KLHL31: variants seen among roughly 807,000 people sequenced by gnomAD.
KLHL31 encodes the protein kelch like family member 31.
Under a neutral mutation model 47.1 loss-of-function variants are expected in KLHL31, and 32 were observed. That is an observed-to-expected ratio of 0.68 (90% CI 0.51 to 0.91). The LOEUF is 0.91. Ranked by LOEUF, KLHL31 falls within the 40% of genes least tolerant of loss-of-function variation. The probability of loss-of-function intolerance (pLI) is 0.00; values close to 1 mark genes in which losing one functional copy is unlikely to be tolerated. For synonymous variants in KLHL31, 330 were observed against 325.1 expected (o/e 1.01, Z -0.16); for missense variants, 797 against 819.3 (o/e 0.97, Z 0.33).
At chr6:53,660,863 C>T (rs1333073462) in intron 1 of KLHL31, among the ~76,000 whole-genome samples, 1 of 152,186 alleles carries the variant, frequency 6.6e-6, no homozygotes, top group Non-Finnish European at 1.5e-5. Context: ...AAACAACTTT[C>T]TTGTGGCCGA....
At position 53,664,518 on chromosome 6, in the gene KLHL31, C is replaced by T. The variant is rs901439730; in HGVS notation, c.-34+1083G>A. On this transcript the variant is annotated intron_variant, in intron 1 of 2. Coordinates refer to ENST00000370905, the MANE Select transcript of KLHL31 (RefSeq NM_001003760.5). ...CCAAGCAATGGTACATAATTGGACCCTTGTCTGTAAGTGGGCAAGTCCATG... is the reference window on the plus strand; with the variant it reads ...CCAAGCAATGGTACATAATTGGACCTTTGTCTGTAAGTGGGCAAGTCCATG... 4.6e-5 allele frequency among the ~76,000 whole-genome samples: 7 copies of T among 152,210 alleles called. No homozygotes were observed. The East Asian group carries it at 1.3e-3, about 29-fold the overall frequency.
In KLHL31 at chr6:53,651,871, C is replaced by T. The variant is rs1429137918; in HGVS notation, c.1632G>A (p.Gln544=). The change falls in exon 3 of 3, where the codon CAG becomes CAA. Residue 544 remains glutamine (Q), a synonymous_variant. Coordinates refer to ENST00000370905, the MANE Select transcript of KLHL31 (RefSeq NM_001003760.5). ...TVECYSPATG[Q]WSYAAPLQVG... is the part of the protein sequence containing the mutation. ...CCTGCAGCGGCGCCGCGTAGCTCCA[C>T]TGGCCGGTCGCGGGGCTGTAGCACT... 1.9e-6 allele frequency: 3 copies of T among 1,600,786 alleles called. No homozygotes were observed. The highest frequency in any genetic ancestry group is 2.2e-5 in the South Asian group (2 of 90,570).
At chr6:53,654,059 A>G (rs780463545) in intron 2 of KLHL31, 42 bp downstream of exon 2, 4 of 1,492,222 alleles carry the variant, frequency 2.7e-6, no homozygotes, top group Non-Finnish European at 2.7e-6. Flanking sequence ...CTATTTCCCT[A>G]TAATATTGAG....
intron 1 of KLHL31, among the ~76,000 whole-genome samples, chr6:53,658,240 G>A (rs1204957249): frequency 8.6e-5 from 13 of 151,312 alleles, no homozygotes; most frequent in African/African-American, 3.2e-4. Context: ...ATTTTGGGGG[G>A]AAAGTCCTGT....
At chr6:53,652,461 C>G (rs1442006151) in intron 2 of KLHL31, 131 bp from the exon 3 acceptor site, 3 of 1,094,268 alleles carry the variant, frequency 2.7e-6, no homozygotes, top group Non-Finnish European at 4.0e-6. Flanking sequence ...CAGCACCTCA[C>G]CTGGAGGCTG....
rs779330120 is a variant in KLHL31 at position 53,655,057 on chromosome 6, T to A, written c.216A>T (p.Leu72=). ...TTTTGGTACCAATGACTAAGTCACA[T>A]AGGAAGTTCTCCTGCCGCATTTTAC... is the stretch of plus-strand genomic sequence containing the variant. ...GLSKMRQENF[L]CDLVIGTKTK... The change falls in exon 2 of 3, where the codon CTA becomes CTT. Residue 72 remains leucine, a synonymous_variant. Transcript: ENST00000370905. 3.7e-6 allele frequency: 6 copies of A among 1,613,938 alleles called. No individual in the cohort carries two copies. The African/African-American group carries it at 8.0e-5, about 22-fold the overall frequency.
chr6:53,664,888 T>C (rs1177564625), intron 1 of KLHL31, among the ~76,000 whole-genome samples: 2 of 152,170 alleles, frequency 1.3e-5, no homozygotes, highest in African/African-American at 4.8e-5. Flanking sequence ...CTGGCTTCTG[T>C]GGCTTGCCAT....
Position 53,650,556 on chromosome 6 carries a change from T to TACAAA in KLHL31, c.*1041_*1042insTTTGT, listed in dbSNP as rs2127367107. 6.6e-6 allele frequency: 1 copy of TACAAA among 152,250 alleles called. No homozygotes were observed. The highest frequency in any genetic ancestry group is 1.9e-4 in the East Asian group (1 of 5,174). 9.4% of individuals were successfully genotyped at this position (152,250 alleles called of 1,614,324 possible). A position where few individuals can be genotyped will look rare whatever the true frequency, so the allele number is the denominator to read the frequency against. On this transcript the variant is annotated 3_prime_UTR_variant, in exon 3 of 3. Transcript: ENST00000370905. The stretch of plus-strand genomic sequence containing the variant: ...CTACCAAATCTACAAATTCCAAATG[T>TACAAA]TTCTATCATTCTTATCATATAAAAG...
chr6:53,665,418 A>C (rs555115609), intron 1 of KLHL31, among the ~76,000 whole-genome samples, 183 bp downstream of exon 1: 1 of 152,136 alleles, frequency 6.6e-6, no homozygotes, highest in Non-Finnish European at 1.5e-5. Flanking sequence ...AGATTTCAAA[A>C]AAATGTTTTC....
chr6:53,652,201 G>T lies in KLHL31; in HGVS notation c.1302C>A (p.Ala434=). The change falls in exon 3 of 3, where the codon GCC becomes GCA. Residue 434 remains alanine, a synonymous_variant. Coordinates refer to ENST00000370905, the MANE Select transcript of KLHL31 (RefSeq NM_001003760.5). ...TGGAGGGCACGTAGCACTCCAGCGAGGCCAGGCTTCCTTCTGCGTTGCGGC... is the reference window on the plus strand; with the variant it reads ...TGGAGGGCACGTAGCACTCCAGCGATGCCAGGCTTCCTTCTGCGTTGCGGC... The part of the protein sequence containing the change: ...AGGRNAEGSL[A]SLECYVPSTN... 6.2e-7 allele frequency: 1 copy of T among 1,612,696 alleles called. No homozygotes were observed. Among genetic ancestry groups the T allele is most frequent in the Non-Finnish European group, 8.5e-7 (1 of 1,180,024 alleles).
chr6:53,653,819 G>A (rs925025894), intron 2 of KLHL31, among the ~76,000 whole-genome samples: 8 of 152,166 alleles, frequency 5.3e-5, no homozygotes, highest in Middle Eastern at 3.2e-3. Context: ...GCTTACTGGT[G>A]TTATAACTTC....
chr6:53,652,837 C>A (rs568512996), intron 2 of KLHL31, among the ~76,000 whole-genome samples: 1 of 152,126 alleles, frequency 6.6e-6, no homozygotes, highest in African/African-American at 2.4e-5. Flanking sequence ...TGGATTTCTC[C>A]ATTTCTCACA....
At chr6:53,662,197 G>A (rs951027729) in intron 1 of KLHL31, among the ~76,000 whole-genome samples, 12 of 152,230 alleles carry the variant, frequency 7.9e-5, no homozygotes, top group Middle Eastern at 3.4e-3. Context: ...AGAGTGTGAA[G>A]GCCATTTCTC....
intron 2 of KLHL31, among the ~76,000 whole-genome samples, chr6:53,652,848 A>G (rs972755023): frequency 1.3e-5 from 2 of 152,160 alleles, no homozygotes; most frequent in East Asian, 1.9e-4. Context: ...ATTTCTCACA[A>G]ACCCCTTAAT....
chr6:53,654,544 A>G lies in KLHL31; in HGVS notation c.729T>C (p.Phe243=). 6.2e-7 allele frequency: 1 copy of G among 1,614,214 alleles called. No individual in the cohort carries two copies. Among genetic ancestry groups the G allele is most frequent in the Non-Finnish European group, 8.5e-7 (1 of 1,180,042 alleles). ...CAGCGTATTTTACTCTCTTTTGGTCAAATTCTAACCATTTCATTGCAATCT... is the reference window on the plus strand; with the variant it reads ...CAGCGTATTTTACTCTCTTTTGGTCGAATTCTAACCATTTCATTGCAATCT... The part of the protein sequence containing the change: ...AFQIAMKWLE[F]DQKRVKYAAD... The change falls in exon 2 of 3, where the codon TTT becomes TTC. Residue 243 remains phenylalanine, a synonymous_variant. Transcript: ENST00000370905.
rs917056303 is a variant in KLHL31, at chr6:53,648,609, C to T, written c.*2989G>A. On this transcript the variant is annotated 3_prime_UTR_variant, in exon 3 of 3. Transcript: ENST00000370905. ...CACTTCCTCATGACATCAATTATAC[C>T]TCCTCACTCATAACACTTCACTACC... The T allele has an allele frequency of 3.3e-5, 5 of 151,978 alleles. No homozygotes were observed. Among genetic ancestry groups the T allele is most frequent in the East Asian group, 1.9e-4 (1 of 5,196 alleles). 9.4% of individuals were successfully genotyped at this position (151,978 alleles called of 1,614,324 possible).
chr6:53,657,233 C>T (rs758768810), intron 1 of KLHL31, among the ~76,000 whole-genome samples: 7 of 152,116 alleles, frequency 4.6e-5, no homozygotes, highest in Non-Finnish European at 1.0e-4. Flanking sequence ...GCCACCTTGC[C>T]CAGCCTAATC....
intron 1 of KLHL31, among the ~76,000 whole-genome samples, chr6:53,663,942 T>A (rs1764682834): frequency 6.6e-6 from 1 of 152,222 alleles, no homozygotes; most frequent in Non-Finnish European, 1.5e-5. Context: ...AACAAGGAGA[T>A]GCATTACTTT....
At chr6:53,663,693 G>C (rs905408656) in intron 1 of KLHL31, among the ~76,000 whole-genome samples, 1 of 152,164 alleles carries the variant, frequency 6.6e-6, no homozygotes, top group Admixed American at 6.5e-5. Flanking sequence ...AGGACACAAG[G>C]ACACAGTACA....
Sources: allele counts gnomAD v4.1 joint callset (sites outside exome capture counted in the v4.1 genomes callset), GRCh38; gene constraint gnomAD v4.1.1; transcripts MANE v1.5; gene names NCBI Gene and HGNC (gene_info 2026-07-23, HGNC 2026-07-21).